The following CACNA2D1 variants were observed in gnomAD, a reference collection of about 807,000 sequenced individuals.
The protein encoded by CACNA2D1 is calcium voltage-gated channel auxiliary subunit alpha2delta 1.
Under a neutral mutation model 171.5 loss-of-function variants are expected in CACNA2D1, and 53 were observed. The ratio of observed to expected loss-of-function variants is 0.31; its 90% CI spans 0.25 to 0.39. The LOEUF is 0.39. CACNA2D1 is among the 10% of genes least tolerant of loss of function. The pLI, the probability that CACNA2D1 is intolerant of heterozygous loss-of-function variation, is 1.00. For missense variants in CACNA2D1, 903 were observed against 1,299.8 expected, an observed-to-expected ratio of 0.69 and a Z score of 4.69; for synonymous variants, 442 against 443.1, an observed-to-expected ratio of 1.00 and a Z score of 0.03.
At chr7:82,222,394 T>C (rs1347921357) in intron 3 of CACNA2D1, among the ~76,000 whole-genome samples, 1 of 152,134 alleles carries the variant, frequency 6.6e-6, no homozygotes, top group Non-Finnish European at 1.5e-5. Context: ...AGTCATATGG[T>C]TTTCCATACT....
chr7:82,252,456 A>C (rs1284805447), intron 3 of CACNA2D1, among the ~76,000 whole-genome samples: 1 of 152,230 alleles, frequency 6.6e-6, no homozygotes, highest in Non-Finnish European at 1.5e-5. Flanking sequence ...TCATTTATTA[A>C]GCATATATTT....
At chr7:81,997,045 A>G in intron 19 of CACNA2D1, 134 bp downstream of exon 19, 1 of 691,042 alleles carries the variant, frequency 1.4e-6, no homozygotes, top group East Asian at 2.6e-5. Context: ...TTAATGACAA[A>G]GAACATTCAT....
At position 82,369,694 on chromosome 7, in the gene CACNA2D1, C is replaced by A. The variant is rs190101753; in HGVS notation, c.96-20045G>T. ...ATTTTCAAAAATAGTATATCATGAC[C>A]AAGGAATAGTTGTTTTAGGAAGATA... On this transcript the variant is annotated intron_variant, in intron 1 of 38. Transcript: ENST00000356860. Among the ~76,000 whole-genome samples the A allele has an allele frequency of 3.2e-3, 479 of 151,904 alleles. 1 individual carries two copies. Among genetic ancestry groups the A allele is most frequent in the Non-Finnish European group, 4.9e-3 (332 of 67,906 alleles).
intron 1 of CACNA2D1, among the ~76,000 whole-genome samples, chr7:82,402,326 C>G (rs766997549): frequency 6.6e-6 from 1 of 152,112 alleles, no homozygotes; most frequent in South Asian, 2.1e-4. Flanking sequence ...CTTTATTAAC[C>G]CTCACAATAA....
At chr7:82,239,501 A>G (rs541292201) in intron 3 of CACNA2D1, among the ~76,000 whole-genome samples, 1 of 152,294 alleles carries the variant, frequency 6.6e-6, no homozygotes, top group South Asian at 2.1e-4. Flanking sequence ...AATAGTAGGT[A>G]AAAATAATTG....
At chr7:82,229,311 T>C (rs1414956771) in intron 3 of CACNA2D1, among the ~76,000 whole-genome samples, 1 of 152,104 alleles carries the variant, frequency 6.6e-6, no homozygotes, top group African/African-American at 2.4e-5. Context: ...TCACTTTCCT[T>C]GTTCCCTGCA....
chr7:82,313,045 CA>C (rs1691243719), intron 3 of CACNA2D1, among the ~76,000 whole-genome samples: 2 of 152,156 alleles, frequency 1.3e-5, no homozygotes, highest in East Asian at 1.9e-4. Flanking sequence ...ATCTGCAATG[CA>C]ACGTCCTAGA....
Position 81,965,669 on chromosome 7 carries a change from T to C in CACNA2D1, c.2503-4A>G. 1 of 1,571,242 alleles carries C rather than the reference T, an allele frequency of 6.4e-7. No homozygotes were observed. Among genetic ancestry groups the C allele is most frequent in the Non-Finnish European group, 8.8e-7 (1 of 1,141,886 alleles). On this transcript the variant is annotated splice_region_variant and splice_polypyrimidine_tract_variant and intron_variant, in intron 31 of 38. Transcript: ENST00000356860. ...CCAGAATCACACAATCCATTACCTA[T>C]CAAAATAAAGTGAACAGTTAACACA...
At position 82,322,825 on chromosome 7, in the gene CACNA2D1, A is replaced by G. The variant is rs17156123; in HGVS notation, c.294+12310T>C. On this transcript the variant is annotated intron_variant, in intron 3 of 38. Coordinates refer to ENST00000356860, the MANE Select transcript of CACNA2D1 (RefSeq NM_000722.4). ...GATGCAAAGAACACCTGTGTATATAAAAAAGCCAGGATGGGTTTGGGCATC... is the reference window on the plus strand; with the variant it reads ...GATGCAAAGAACACCTGTGTATATAGAAAAGCCAGGATGGGTTTGGGCATC... Among the ~76,000 whole-genome samples the G allele has an allele frequency of 8.6e-3, 1,310 of 152,282 alleles. 28 individuals carry two copies. The South Asian group carries it at 0.094, about 11-fold the overall frequency.
At chr7:82,404,163 T>C (rs1171951099) in intron 1 of CACNA2D1, among the ~76,000 whole-genome samples, 1 of 152,144 alleles carries the variant, frequency 6.6e-6, no homozygotes, top group Non-Finnish European at 1.5e-5. Context: ...AAATCTTGGA[T>C]GGGAGTTCTA....
At chr7:82,144,879 T>C (rs1269831300) in intron 4 of CACNA2D1, among the ~76,000 whole-genome samples, 1 of 151,834 alleles carries the variant, frequency 6.6e-6, no homozygotes, top group East Asian at 1.9e-4. Flanking sequence ...AGTAAAATGA[T>C]TTTGCTAGCG....
intron 10 of CACNA2D1, among the ~76,000 whole-genome samples, chr7:82,053,512 C>CA (rs1205441769): frequency 1.7e-4 from 26 of 151,624 alleles, no homozygotes; most frequent in Admixed American, 5.9e-4. Context: ...GTGTAGTTGA[C>CA]AAAAAAATGA....
Position 82,007,653 on chromosome 7 carries a change from ATTAATT to A in CACNA2D1, c.1440+20_1440+25del. On this transcript the variant is annotated intron_variant, in intron 16 of 38. Coordinates refer to ENST00000356860, the MANE Select transcript of CACNA2D1 (RefSeq NM_000722.4). ...ACGTCACAGTTTGTCATTTATTATTATTAATTTTATCAATTAACTTTTAACCTTTAA... is the reference window on the plus strand; with the variant it reads ...ACGTCACAGTTTGTCATTTATTATTATTATCAATTAACTTTTAACCTTTAA... The A allele has an allele frequency of 8.8e-7, 1 of 1,140,638 alleles. No homozygotes were observed. The highest frequency in any genetic ancestry group is 1.3e-6 in the Non-Finnish European group (1 of 759,078). 70.7% of individuals were successfully genotyped at this position (1,140,638 alleles called of 1,614,324 possible). A position where few individuals can be genotyped will look rare whatever the true frequency, so the allele number is the denominator to read the frequency against.
chr7:82,139,935 A>G (rs2129085151), intron 4 of CACNA2D1, among the ~76,000 whole-genome samples: 1 of 141,712 alleles, frequency 7.1e-6, no homozygotes, highest in Non-Finnish European at 1.5e-5. Context: ...GCATTTGCCA[A>G]CACACCTGGC....
Position 82,170,970 on chromosome 7 carries a change from T to C in CACNA2D1, c.295-361A>G, listed in dbSNP as rs140235426. Among the ~76,000 whole-genome samples the C allele has an allele frequency of 4.8e-3, 732 of 152,164 alleles. 7 individuals are homozygous for C. Among genetic ancestry groups the C allele is most frequent in the African/African-American group, 0.017 (702 of 41,548 alleles). The stretch of plus-strand genomic sequence containing the variant: ...GAATCTTATTTTTAGTAAATACCTT[T>C]GGAGCATACATTTCTCTTAAAAAAT... On this transcript the variant is annotated intron_variant, in intron 3 of 38. Coordinates refer to ENST00000356860, the MANE Select transcript of CACNA2D1 (RefSeq NM_000722.4).
At chr7:82,272,014 TA>T (rs143871367) in intron 3 of CACNA2D1, among the ~76,000 whole-genome samples, 1 of 151,482 alleles carries the variant, frequency 6.6e-6, no homozygotes, top group African/African-American at 2.4e-5. Flanking sequence ...TAAACATTAC[TA>T]AAAAAAAGGA....
At chr7:82,322,743 T>C (rs1816151226) in intron 3 of CACNA2D1, among the ~76,000 whole-genome samples, 1 of 152,224 alleles carries the variant, frequency 6.6e-6, no homozygotes, top group African/African-American at 2.4e-5. Flanking sequence ...ATCATAGAAA[T>C]CTTATCTTGC....
At chr7:82,280,621 A>G (rs1468301668) in intron 3 of CACNA2D1, among the ~76,000 whole-genome samples, 1 of 152,196 alleles carries the variant, frequency 6.6e-6, no homozygotes, top group African/African-American at 2.4e-5. Context: ...TAGCGTTAGA[A>G]GCTTTTTATG....
intron 2 of CACNA2D1, among the ~76,000 whole-genome samples, chr7:82,344,864 GT>G (rs1457564583): frequency 6.6e-6 from 1 of 152,074 alleles, no homozygotes; most frequent in African/African-American, 2.4e-5. Context: ...ATAAATAGCT[GT>G]ATTTGTTTAT....
Sources: allele counts gnomAD v4.1 joint callset (sites outside exome capture counted in the v4.1 genomes callset), GRCh38; gene constraint gnomAD v4.1.1; transcripts MANE v1.5; gene names NCBI Gene and HGNC (gene_info 2026-07-23, HGNC 2026-07-21).